LRP1B: variants seen among roughly 807,000 people sequenced by gnomAD.
LRP1B encodes low-density lipoprotein receptor-related protein 1B.
In LRP1B, 217 loss-of-function variants were observed where a neutral mutation model predicts 556.6. That is an observed-to-expected ratio of 0.39 (90% CI 0.35 to 0.44). LRP1B has a LOEUF of 0.44. LRP1B is among the 20% of genes least tolerant of loss of function. LRP1B has a pLI of 1.00. For synonymous variants in LRP1B, 2,047 were observed against 1,865.8 expected, an observed-to-expected ratio of 1.10 and a Z score of -2.50; for missense variants, 5,053 against 5,620.8, an observed-to-expected ratio of 0.90 and a Z score of 3.23.
chr2:141,331,105 T>G (rs1244490690), intron 3 of LRP1B, among the ~76,000 whole-genome samples: 2 of 152,160 alleles, frequency 1.3e-5, no homozygotes, highest in Admixed American at 1.3e-4. Flanking sequence ...AAGCCAACTT[T>G]GCTTTGGCAT....
At chr2:140,279,593 C>G (rs1558767160) in intron 84 of LRP1B, among the ~76,000 whole-genome samples, 1 of 151,886 alleles carries the variant, frequency 6.6e-6, no homozygotes, top group African/African-American at 2.4e-5. Flanking sequence ...TATTTAAATT[C>G]CAAGTATCAG....
intron 2 of LRP1B, among the ~76,000 whole-genome samples, chr2:141,663,837 A>G (rs355534): frequency 0.072 from 10,847 of 151,538 alleles, 543 homozygotes; most frequent in African/African-American, 0.13. Context: ...AATTCATTTC[A>G]TGGGTAAATA....
At chr2:141,055,574 T>A (rs537913942) in intron 9 of LRP1B, among the ~76,000 whole-genome samples, 1 of 152,042 alleles carries the variant, frequency 6.6e-6, no homozygotes, top group South Asian at 2.1e-4. Context: ...TTGCTTCTCA[T>A]CCTTTTTAAA....
At chr2:140,296,341 G>A (rs543435950) in intron 84 of LRP1B, among the ~76,000 whole-genome samples, 53 of 152,094 alleles carry the variant, frequency 3.5e-4, no homozygotes, top group Non-Finnish European at 7.1e-4. Flanking sequence ...TCTAAAATTC[G>A]AAAAAATCTG....
intron 3 of LRP1B, among the ~76,000 whole-genome samples, chr2:141,474,521 A>T (rs1367993546): frequency 1.3e-5 from 2 of 152,214 alleles, no homozygotes; most frequent in Non-Finnish European, 2.9e-5. Flanking sequence ...AATTAAATAC[A>T]TTAGAATTAT....
chr2:140,871,686 G>A (rs534737730), intron 25 of LRP1B, among the ~76,000 whole-genome samples: 72 of 152,108 alleles, frequency 4.7e-4, no homozygotes, highest in Non-Finnish European at 8.4e-4. Flanking sequence ...CTACTATAGG[G>A]GCTTTATTTA....
chr2:140,467,922 C>G (rs532946781), intron 60 of LRP1B, among the ~76,000 whole-genome samples: 1 of 152,098 alleles, frequency 6.6e-6, no homozygotes, highest in Non-Finnish European at 1.5e-5. Context: ...TTTGGAAAAT[C>G]GTCAGCCTGG....
At chr2:140,391,812 A>T (rs2105210975) in intron 66 of LRP1B, among the ~76,000 whole-genome samples, 1 of 152,330 alleles carries the variant, frequency 6.6e-6, no homozygotes, top group African/African-American at 2.4e-5. Context: ...GATTTATTTG[A>T]CATTTGAGGC....
chr2:140,326,597 T>C (rs4954827), intron 79 of LRP1B, among the ~76,000 whole-genome samples: 20,787 of 151,756 alleles, frequency 0.14, 1,535 homozygotes, highest in African/African-American at 0.19. Flanking sequence ...CACCTGCAAT[T>C]CCAGCTACTC....
At chr2:141,090,035 G>A (rs1239490881) in intron 7 of LRP1B, among the ~76,000 whole-genome samples, 1 of 152,162 alleles carries the variant, frequency 6.6e-6, no homozygotes, top group Admixed American at 6.5e-5. Flanking sequence ...AACTGGGAGT[G>A]CACTCCTCCC....
chr2:141,661,410 T>C (rs1301651181), intron 2 of LRP1B, among the ~76,000 whole-genome samples: 5 of 151,950 alleles, frequency 3.3e-5, no homozygotes, highest in South Asian at 2.1e-4. Context: ...TCTAACCCAA[T>C]GCAAAGAAGG....
chr2:141,375,493 G>A (rs1689393966), intron 3 of LRP1B, among the ~76,000 whole-genome samples: 1 of 152,080 alleles, frequency 6.6e-6, no homozygotes, highest in South Asian at 2.1e-4. Flanking sequence ...GACCCAAGCA[G>A]TCCATGTTGG....
intron 7 of LRP1B, among the ~76,000 whole-genome samples, chr2:141,161,594 G>T (rs1426713384): frequency 1.3e-5 from 2 of 152,070 alleles, no homozygotes; most frequent in African/African-American, 2.4e-5. Context: ...TTGGCAACTT[G>T]CGTTTTGTAC....
At chr2:141,816,848 T>C (rs572298736) in intron 1 of LRP1B, among the ~76,000 whole-genome samples, 2 of 152,284 alleles carry the variant, frequency 1.3e-5, no homozygotes, top group South Asian at 4.1e-4. Context: ...GAGCCTATGT[T>C]ATCAGCTCGC....
chr2:142,097,564 A>T (rs918892596), intron 1 of LRP1B, among the ~76,000 whole-genome samples: 14 of 151,588 alleles, frequency 9.2e-5, no homozygotes, highest in African/African-American at 3.4e-4. Context: ...AAGACATGAA[A>T]TGTACAGCTA....
chr2:140,358,185 C>A (rs1422608988), intron 73 of LRP1B, 69 bp from the exon 74 acceptor site: 3 of 1,432,290 alleles, frequency 2.1e-6, no homozygotes, highest in Non-Finnish European at 2.9e-6. Context: ...CATGTAATAG[C>A]TCCAAAATTT....
chr2:140,393,979 T>G (rs1441823301), intron 66 of LRP1B, among the ~76,000 whole-genome samples: 1 of 152,168 alleles, frequency 6.6e-6, no homozygotes, highest in Non-Finnish European at 1.5e-5. Context: ...TTTTACATTA[T>G]AAGGAAACAA....
intron 2 of LRP1B, among the ~76,000 whole-genome samples, chr2:141,738,956 A>T (rs1693594238): frequency 6.6e-6 from 1 of 152,146 alleles, no homozygotes; most frequent in South Asian, 2.1e-4. Context: ...TTGTTATTAC[A>T]CATATATCCA....
At chr2:141,968,485 C>T (rs1387227289) in intron 1 of LRP1B, among the ~76,000 whole-genome samples, 3 of 151,532 alleles carry the variant, frequency 2.0e-5, no homozygotes, top group Non-Finnish European at 4.4e-5. Flanking sequence ...AGCCCATAGG[C>T]CTCATGGCAC....
Sources: allele counts gnomAD v4.1 joint callset (sites outside exome capture counted in the v4.1 genomes callset), GRCh38; gene constraint gnomAD v4.1.1; transcripts MANE v1.5; gene names NCBI Gene and HGNC (gene_info 2026-07-23, HGNC 2026-07-21).